Variants in ARSK observed in about 807,000 individuals in gnomAD.
ARSK encodes arylsulfatase family member K, also known as arylsulfatase K.
ARSK carries 37 observed loss-of-function variants against 53.2 expected under a neutral mutation model. The observed-to-expected ratio is 0.70, with a 90% confidence interval of 0.54 to 0.92. The LOEUF is 0.92. Among genes scored for constraint, ARSK ranks in the 40% least tolerant of loss-of-function variants. The pLI is 0.00. For missense variants in ARSK, 613 were observed against 643.0 expected (o/e 0.95, Z 0.51); for synonymous variants, 208 against 223.2 (o/e 0.93, Z 0.61).
At chr5:95,600,758 T>A in intron 6 of ARSK, 89 bp from the exon 7 acceptor site, 3 of 1,283,636 alleles carry the variant, frequency 2.3e-6, no homozygotes, top group Non-Finnish European at 3.4e-6. Context: ...TTTAATGGTA[T>A]GAAAAAAATG....
At chr5:95,582,571 G>T (rs1369637463) in intron 3 of ARSK, among the ~76,000 whole-genome samples, 3 of 151,898 alleles carry the variant, frequency 2.0e-5, no homozygotes. Flanking sequence ...TATCTTCTAA[G>T]TGAAAAAAAG....
rs774169279 is a variant in ARSK at position 95,555,539 on chromosome 5, A to G, written c.126+135A>G. 434 of 985,674 alleles carry G rather than the reference A, an allele frequency of 4.4e-4. 2 individuals carry two copies. Among genetic ancestry groups the G allele is most frequent in the Middle Eastern group, 3.5e-4 (1 of 2,836 alleles). 61.1% of individuals were successfully genotyped at this position (985,674 alleles called of 1,614,324 possible). A position where few individuals can be genotyped will look rare whatever the true frequency, so the allele number is the denominator to read the frequency against. ...CTTTTACCCCGATGCAAAGAAAGAA[A>G]TACATTTTATGTGAGGCCCCGTGTA... On this transcript the variant is annotated intron_variant, in intron 1 of 7. Transcript: ENST00000380009. The surrounding 1 kb of genome is among the most constrained non-coding windows in gnomAD (Gnocchi z 4.0).
chr5:95,588,974 C>CA (rs890052335), intron 5 of ARSK, among the ~76,000 whole-genome samples: 57 of 134,448 alleles, frequency 4.2e-4, no homozygotes, highest in Non-Finnish European at 4.7e-4. Context: ...AACAAACAAA[C>CA]AAAAAAAAAA....
rs143390239 is a variant in ARSK, at chr5:95,566,054, C to T, written c.183C>T (p.Asn61=). ...AGGTAGTGAAACTTCCTTTTATCAA[C>T]TTTATGAAGACACGTGGGACTTCCT... ...GSQVVKLPFI[N]FMKTRGTSFL... The change falls in exon 2 of 8, where the codon AAC becomes AAT. Residue 61 remains asparagine, a synonymous_variant. Coordinates refer to ENST00000380009, the MANE Select transcript of ARSK (RefSeq NM_198150.3). 439 of 1,613,484 alleles carry T rather than the reference C, an allele frequency of 2.7e-4. No individual in the cohort carries two copies. The African/African-American group carries it at 5.3e-3, about 19-fold the overall frequency.
chr5:95,590,922 G>A (rs558727074), intron 5 of ARSK, among the ~76,000 whole-genome samples: 216 of 152,308 alleles, frequency 1.4e-3, no homozygotes, highest in African/African-American at 5.0e-3. Context: ...ATGATCTGGT[G>A]ATTGCTTAGA....
At chr5:95,564,640 A>G (rs1339783399) in intron 1 of ARSK, among the ~76,000 whole-genome samples, 3 of 152,098 alleles carry the variant, frequency 2.0e-5, no homozygotes, top group African/African-American at 4.8e-5. Context: ...AGCTGTCTCC[A>G]TACTGCCAAT....
chr5:95,558,700 G>A (rs2545842), intron 1 of ARSK, among the ~76,000 whole-genome samples: 123,061 of 152,206 alleles, frequency 0.81, 50,080 homozygotes, highest in East Asian at 0.89. Flanking sequence ...AAGTAAAGAG[G>A]GTAAACTGGT....
intron 6 of ARSK, among the ~76,000 whole-genome samples, chr5:95,597,786 C>A (rs1035844125): frequency 6.6e-6 from 1 of 151,450 alleles, no homozygotes; most frequent in South Asian, 2.1e-4. Context: ...CCCAGCTACT[C>A]GGGAGGCTGA....
At chr5:95,590,744 A>T (rs1439114513) in intron 5 of ARSK, among the ~76,000 whole-genome samples, 1 of 152,168 alleles carries the variant, frequency 6.6e-6, no homozygotes, top group East Asian at 1.9e-4. Context: ...TCTTAATTAC[A>T]GTAGGAGGAA....
At chr5:95,597,585 A>G (rs1197952781) in intron 6 of ARSK, among the ~76,000 whole-genome samples, 3 of 152,144 alleles carry the variant, frequency 2.0e-5, no homozygotes, top group African/African-American at 4.8e-5. Context: ...CTGGTCTTCA[A>G]TTTTCTCATC....
intron 3 of ARSK, among the ~76,000 whole-genome samples, chr5:95,571,986 T>C (rs529157014): frequency 1.3e-5 from 2 of 151,762 alleles, no homozygotes; most frequent in Admixed American, 6.5e-5. Flanking sequence ...GTTATTATAA[T>C]TCTTTATTAC....
At position 95,585,854 on chromosome 5, in the gene ARSK, T is replaced by C. The variant is rs1021531584; in HGVS notation, c.700-708T>C. Among the ~76,000 whole-genome samples, 5 of 152,204 alleles carry C rather than the reference T, an allele frequency of 3.3e-5. No individual in the cohort carries two copies. The South Asian group carries it at 1.0e-3, about 31-fold the overall frequency. ...AAAACTAATCAGAAACACGATTTAG[T>C]CCATCCTATTTTAAAGAAAATAATG... On this transcript the variant is annotated intron_variant, in intron 4 of 7. Transcript: ENST00000380009.
intron 1 of ARSK, among the ~76,000 whole-genome samples, chr5:95,559,340 A>T (rs1748587465): frequency 6.6e-6 from 1 of 152,122 alleles, no homozygotes; most frequent in African/African-American, 2.4e-5. Context: ...TATTTATGGG[A>T]TGTGGAACTC....
At chr5:95,590,113 A>G (rs1436332470) in intron 5 of ARSK, among the ~76,000 whole-genome samples, 2 of 152,228 alleles carry the variant, frequency 1.3e-5, no homozygotes, top group African/African-American at 4.8e-5. Context: ...ATCCTGAAGA[A>G]CAAAGTGATT....
intron 3 of ARSK, among the ~76,000 whole-genome samples, chr5:95,570,346 G>A (rs1748805209): frequency 6.6e-6 from 1 of 152,174 alleles, no homozygotes; most frequent in South Asian, 2.1e-4. Flanking sequence ...GCATGAGCTA[G>A]TTTCTCTGTG....
At position 95,582,130 on chromosome 5, in the gene ARSK, C is replaced by T. The variant is rs528728528; in HGVS notation, c.417-786C>T. Among the ~76,000 whole-genome samples the T allele has an allele frequency of 3.9e-5, 6 of 152,026 alleles. No homozygotes were observed. The South Asian group carries it at 1.2e-3, about 31-fold the overall frequency. The stretch of plus-strand genomic sequence containing the variant: ...AACACTTTTCTCAATTGATAGATCA[C>T]TTCAGAGATACCTATTTCAACAGAA... On this transcript the variant is annotated intron_variant, in intron 3 of 7. Coordinates refer to ENST00000380009, the MANE Select transcript of ARSK (RefSeq NM_198150.3).
At chr5:95,581,005 C>T in intron 3 of ARSK, 1 of 999,500 alleles carries the variant, frequency 1.0e-6, no homozygotes, top group Non-Finnish European at 1.4e-6. Context: ...TGCTTGAAAT[C>T]ATTTGTTATA....
intron 4 of ARSK, among the ~76,000 whole-genome samples, chr5:95,585,424 G>T (rs1295768193): frequency 5.3e-5 from 8 of 152,136 alleles, no homozygotes. Flanking sequence ...CAGCCCAAAT[G>T]CCCATCACTC....
At chr5:95,583,398 A>G (rs1749055451) in intron 4 of ARSK, among the ~76,000 whole-genome samples, 200 bp downstream of exon 4, 1 of 152,162 alleles carries the variant, frequency 6.6e-6, no homozygotes, top group African/African-American at 2.4e-5. Context: ...CTGCTTCTGG[A>G]TTGAATTCAT....
Sources: gnomAD v4.1 joint callset for allele counts (sites outside exome capture counted in the v4.1 genomes callset) on GRCh38, gnomAD v4.1.1 for gene constraint, Gnocchi (gnomAD v3.1) non-coding constraint, MANE v1.5 for transcripts, NCBI Gene and HGNC (gene_info 2026-07-23, HGNC 2026-07-21) for gene names.